The following JMJD1C variants were observed in gnomAD, a reference collection of about 807,000 sequenced individuals.
JMJD1C encodes jumonji domain-containing protein 1C.
In JMJD1C, 31 loss-of-function variants were observed where a neutral mutation model predicts 245.3. The ratio of observed to expected loss-of-function variants is 0.13; its 90% confidence interval spans 0.09 to 0.17. The LOEUF (loss-of-function observed/expected upper bound fraction) is 0.17, where lower values mean the gene tolerates loss of function less well. Among genes scored for constraint, JMJD1C ranks in the 10% least tolerant of loss-of-function variants. The probability of loss-of-function intolerance (pLI) is 1.00; values close to 1 mark genes in which losing one functional copy is unlikely to be tolerated. For synonymous variants in JMJD1C, 1,057 were observed against 1,017.4 expected (o/e 1.04, Z -0.74); for missense variants, 2,691 against 3,000.2 (o/e 0.90, Z 2.41).
intron 4 of JMJD1C, 105 bp downstream of exon 4, chr10:63,219,773 G>T: frequency 1.5e-6 from 1 of 661,372 alleles, no homozygotes; most frequent in Non-Finnish European, 2.7e-6. Context: ...TCAAAATATT[G>T]GACTGGGCCT....
chr10:63,191,290 C>T (rs1844766855), intron 16 of JMJD1C, among the ~76,000 whole-genome samples, 182 bp from the exon 17 acceptor site: 2 of 152,108 alleles, frequency 1.3e-5, no homozygotes, highest in Non-Finnish European at 2.9e-5. Flanking sequence ...TGCCACCAGG[C>T]CCAGCTAATT....
chr10:63,280,096 A>G (rs2133879554), intron 2 of JMJD1C, among the ~76,000 whole-genome samples: 2 of 151,908 alleles, frequency 1.3e-5, no homozygotes, highest in South Asian at 4.2e-4. Flanking sequence ...GGTTGCAGTG[A>G]GCCGAGGTCA....
chr10:63,346,757 TTTTTC>T (rs1362711319), intron 2 of JMJD1C, among the ~76,000 whole-genome samples: 3 of 152,168 alleles, frequency 2.0e-5, no homozygotes, highest in Non-Finnish European at 4.4e-5. Flanking sequence ...TGTCTGAAAG[TTTTTC>T]TTTTAACAGT....
At chr10:63,301,740 C>T in intron 2 of JMJD1C, 2 of 451,154 alleles carry the variant, frequency 4.4e-6, no homozygotes, top group Admixed American at 2.4e-5. Flanking sequence ...ACGCAGCAAA[C>T]CACCATGGCA....
intron 3 of JMJD1C, among the ~76,000 whole-genome samples, chr10:63,248,521 A>AATAGATAG (rs141160908): frequency 0.064 from 8,580 of 134,388 alleles, 436 homozygotes; most frequent in Non-Finnish European, 0.084. Flanking sequence ...ACCTCATCTC[A>AATAGATAG]ATAGATAGAT....
chr10:63,464,379 G>A (rs1365173754), intron 1 of JMJD1C, among the ~76,000 whole-genome samples: 4 of 152,054 alleles, frequency 2.6e-5, no homozygotes, highest in African/African-American at 9.7e-5. Flanking sequence ...AAAATATTAG[G>A]TAGATACCTG....
chr10:63,369,059 G>T (rs924321292), intron 2 of JMJD1C, among the ~76,000 whole-genome samples: 29 of 152,086 alleles, frequency 1.9e-4, no homozygotes, highest in African/African-American at 7.0e-4. Context: ...GCCTAAGGAA[G>T]AATTAGTTAA....
intron 22 of JMJD1C, among the ~76,000 whole-genome samples, chr10:63,182,256 T>C (rs541576594): frequency 1.3e-5 from 2 of 152,212 alleles, no homozygotes; most frequent in Non-Finnish European, 2.9e-5. Flanking sequence ...AGCCTCCAAC[T>C]CCATAAGGTG....
At chr10:63,519,526 T>C (rs1314120838) in intron 1 of JMJD1C, among the ~76,000 whole-genome samples, 1 of 152,222 alleles carries the variant, frequency 6.6e-6, no homozygotes, top group Non-Finnish European at 1.5e-5. Context: ...ATGTCTGTTC[T>C]CAAACATTTT....
rs375476782 is a variant in JMJD1C at position 63,264,672 on chromosome 10, A to G, written c.426T>C (p.Asp142=). ...TTACCTGGTAGGGCTGAAAGGCACT[A>G]TCTTCAGTTAAAAAATCCAGTTGCT... ...VDKQLDFLTE[D]SAFQPYQDDI... The change falls in exon 3 of 26, where the codon GAT becomes GAC. Residue 142 remains aspartate, a synonymous_variant. Transcript: ENST00000399262. 2 of 1,557,404 alleles carry G rather than the reference A, an allele frequency of 1.3e-6. No individual in the cohort carries two copies. Among genetic ancestry groups the G allele is most frequent in the Non-Finnish European group, 1.8e-6 (2 of 1,138,610 alleles).
At chr10:63,493,285 G>A (rs1459137930) in intron 1 of JMJD1C, among the ~76,000 whole-genome samples, 17 of 76,676 alleles carry the variant, frequency 2.2e-4, no homozygotes, top group Non-Finnish European at 1.6e-4. Flanking sequence ...TTTTGAGATG[G>A]AGTTTCACTC....
At chr10:63,409,451 C>T (rs1949361180) in intron 1 of JMJD1C, among the ~76,000 whole-genome samples, 1 of 151,942 alleles carries the variant, frequency 6.6e-6, no homozygotes, top group African/African-American at 2.4e-5. Context: ...GGAAGAGGGA[C>T]AGGTAGGCAG....
chr10:63,223,683 T>C (rs376639212), intron 3 of JMJD1C, among the ~76,000 whole-genome samples: 2 of 152,222 alleles, frequency 1.3e-5, no homozygotes, highest in Non-Finnish European at 2.9e-5. Flanking sequence ...CAGTTGCCTA[T>C]GTTTAAATTT....
chr10:63,199,533 C>T (rs1213003006), intron 11 of JMJD1C, among the ~76,000 whole-genome samples: 1 of 152,126 alleles, frequency 6.6e-6, no homozygotes, highest in Non-Finnish European at 1.5e-5. Flanking sequence ...CATAACCCAG[C>T]ATCTTATTTT....
chr10:63,183,884 G>C (rs1308755715), intron 21 of JMJD1C, among the ~76,000 whole-genome samples: 1 of 152,176 alleles, frequency 6.6e-6, no homozygotes, highest in Non-Finnish European at 1.5e-5. Context: ...ATGGATTAAA[G>C]GAACAGATTT....
intron 1 of JMJD1C, among the ~76,000 whole-genome samples, chr10:63,516,094 T>C (rs1197162542): frequency 6.6e-6 from 1 of 152,010 alleles, no homozygotes; most frequent in Non-Finnish European, 1.5e-5. Flanking sequence ...GAATTTTTTT[T>C]CTTCAGTTTT....
At chr10:63,250,693 CAGTT>C (rs1372639956) in intron 3 of JMJD1C, among the ~76,000 whole-genome samples, 1 of 152,128 alleles carries the variant, frequency 6.6e-6, no homozygotes, top group African/African-American at 2.4e-5. Context: ...ATGAGAGAAA[CAGTT>C]AGAAACTCAT....
At chr10:63,238,850 G>GGTATC (rs545092895) in intron 3 of JMJD1C, among the ~76,000 whole-genome samples, 96 of 152,276 alleles carry the variant, frequency 6.3e-4, no homozygotes, top group African/African-American at 2.1e-3. Flanking sequence ...TTGAACACCT[G>GGTATC]GTATCAATTA....
At chr10:63,327,735 C>G (rs896525172) in intron 2 of JMJD1C, among the ~76,000 whole-genome samples, 1 of 151,788 alleles carries the variant, frequency 6.6e-6, no homozygotes, top group Non-Finnish European at 1.5e-5. Context: ...ATGGCGCAAT[C>G]TTGGCTCACT....
Sources: allele counts gnomAD v4.1 joint callset (sites outside exome capture counted in the v4.1 genomes callset), GRCh38; gene constraint gnomAD v4.1.1; transcripts MANE v1.5; gene names NCBI Gene and HGNC (gene_info 2026-07-23, HGNC 2026-07-21).